SGCZ: variants seen among roughly 807,000 people sequenced by gnomAD.
SGCZ encodes the protein sarcoglycan zeta.
Under a neutral mutation model 41.3 loss-of-function variants are expected in SGCZ, and 40 were observed. That is an observed-to-expected ratio of 0.97 (90% CI 0.75 to 1.26). The LOEUF (loss-of-function observed/expected upper bound fraction) is 1.26, where lower values mean the gene tolerates loss of function less well. Among genes scored for constraint, SGCZ ranks in the 50% most tolerant of loss-of-function variants. SGCZ has a pLI of 0.00. For synonymous variants in SGCZ, 206 were observed against 137.5 expected (o/e 1.50, Z -3.49); for missense variants, 552 against 369.8 (o/e 1.49, Z -4.04).
chr8:15,210,118 A>G (rs1801191560), intron 1 of SGCZ, among the ~76,000 whole-genome samples: 1 of 152,326 alleles, frequency 6.6e-6, no homozygotes, highest in East Asian at 1.9e-4. Flanking sequence ...TTGGAATCAC[A>G]AAACAAAAGG....
chr8:14,196,517 C>G (rs1326466366), intron 4 of SGCZ, among the ~76,000 whole-genome samples: 1 of 152,106 alleles, frequency 6.6e-6, no homozygotes, highest in Non-Finnish European at 1.5e-5. Context: ...CTACATGAAA[C>G]AGCGATTTCA....
intron 4 of SGCZ, among the ~76,000 whole-genome samples, chr8:14,237,159 T>C (rs992772798): frequency 5.9e-5 from 9 of 152,134 alleles, no homozygotes; most frequent in Non-Finnish European, 1.2e-4. Context: ...ATGAAAATAT[T>C]TCTTAGAAAA....
At chr8:14,640,211 G>T (rs552717811) in intron 1 of SGCZ, among the ~76,000 whole-genome samples, 1 of 151,750 alleles carries the variant, frequency 6.6e-6, no homozygotes, top group South Asian at 2.1e-4. Context: ...CTTCCTTCTG[G>T]ATTCATTTTT....
chr8:15,073,391 T>A (rs1805422632), intron 1 of SGCZ, among the ~76,000 whole-genome samples: 1 of 152,094 alleles, frequency 6.6e-6, no homozygotes, highest in South Asian at 2.1e-4. Flanking sequence ...ATGAATCACA[T>A]CACTCACAAA....
chr8:14,920,300 CTAA>C (rs1392697826), intron 1 of SGCZ, among the ~76,000 whole-genome samples: 5 of 152,142 alleles, frequency 3.3e-5, no homozygotes, highest in African/African-American at 1.2e-4. Flanking sequence ...AAAGTGGCAG[CTAA>C]TGATTCATGG....
chr8:14,317,309 T>C (rs1801752307), intron 3 of SGCZ, among the ~76,000 whole-genome samples: 2 of 152,166 alleles, frequency 1.3e-5, no homozygotes, highest in South Asian at 4.1e-4. Context: ...ACTATGAACT[T>C]CATCTTGCAG....
intron 1 of SGCZ, among the ~76,000 whole-genome samples, chr8:14,676,346 A>ATGTG (rs33909996): frequency 2.3e-3 from 346 of 149,212 alleles, no homozygotes; most frequent in Admixed American, 3.7e-3. Context: ...AATGAAATAG[A>ATGTG]TGTGTGTGTG....
chr8:15,063,750 C>T (rs1385471427), intron 1 of SGCZ, among the ~76,000 whole-genome samples: 1 of 152,144 alleles, frequency 6.6e-6, no homozygotes, highest in Non-Finnish European at 1.5e-5. Flanking sequence ...TGAAAGACAT[C>T]CAGAACAAGA....
intron 2 of SGCZ, among the ~76,000 whole-genome samples, chr8:14,518,363 C>T (rs901994845): frequency 6.6e-6 from 1 of 152,036 alleles, no homozygotes; most frequent in Non-Finnish European, 1.5e-5. Flanking sequence ...TGTATACATA[C>T]ACTACACGTA....
At chr8:14,875,731 G>T (rs1379827610) in intron 1 of SGCZ, among the ~76,000 whole-genome samples, 1 of 152,094 alleles carries the variant, frequency 6.6e-6, no homozygotes, top group African/African-American at 2.4e-5. Context: ...TGATACGGGG[G>T]AAAGAATACA....
chr8:15,127,602 A>G (rs1807753530), intron 1 of SGCZ, among the ~76,000 whole-genome samples: 1 of 152,190 alleles, frequency 6.6e-6, no homozygotes, highest in Non-Finnish European at 1.5e-5. Context: ...TGTTTTGAAA[A>G]AGAGGACAGC....
chr8:14,806,759 C>T (rs1392100546), intron 1 of SGCZ, among the ~76,000 whole-genome samples: 2 of 152,090 alleles, frequency 1.3e-5, no homozygotes, highest in African/African-American at 2.4e-5. Flanking sequence ...GATACCAAAG[C>T]CTGGCAGAGA....
intron 1 of SGCZ, among the ~76,000 whole-genome samples, chr8:14,775,270 G>C (rs921787152): frequency 6.6e-6 from 1 of 152,002 alleles, no homozygotes; most frequent in Non-Finnish European, 1.5e-5. Context: ...GTAGAGCCCA[G>C]AACAAAAACC....
chr8:14,988,343 CT>C (rs980551841), intron 1 of SGCZ, among the ~76,000 whole-genome samples: 5 of 150,884 alleles, frequency 3.3e-5, no homozygotes, highest in African/African-American at 4.9e-5. Flanking sequence ...ACCATACTTT[CT>C]TTTTTTTTAA....
intron 2 of SGCZ, among the ~76,000 whole-genome samples, chr8:14,444,690 T>C (rs892762524): frequency 6.6e-6 from 1 of 151,036 alleles, no homozygotes; most frequent in Admixed American, 6.6e-5. Context: ...GAGGGATAGC[T>C]TTAGGAGATA....
At chr8:14,404,104 A>T (rs1351297409) in intron 2 of SGCZ, among the ~76,000 whole-genome samples, 1 of 152,148 alleles carries the variant, frequency 6.6e-6, no homozygotes, top group Non-Finnish European at 1.5e-5. Flanking sequence ...TTAGAGAAGG[A>T]GGGTGCCAGA....
At chr8:14,775,445 T>G (rs1020513666) in intron 1 of SGCZ, among the ~76,000 whole-genome samples, 11 of 144,680 alleles carry the variant, frequency 7.6e-5, no homozygotes, top group Admixed American at 3.6e-4. Flanking sequence ...GACAGTATGC[T>G]GAGTAGAATA....
intron 2 of SGCZ, among the ~76,000 whole-genome samples, chr8:14,496,798 G>C (rs1379117587): frequency 1.3e-5 from 2 of 152,122 alleles, no homozygotes; most frequent in Non-Finnish European, 2.9e-5. Flanking sequence ...TACAAAATAA[G>C]AAAGTTGTTT....
chr8:15,121,656 G>T (rs1357047865), intron 1 of SGCZ, among the ~76,000 whole-genome samples: 10 of 152,138 alleles, frequency 6.6e-5, no homozygotes, highest in Non-Finnish European at 7.4e-5. Context: ...AAGATCTCAT[G>T]CTGGAGTAAT....
Sources: allele counts gnomAD v4.1 joint callset (sites outside exome capture counted in the v4.1 genomes callset), GRCh38; gene constraint gnomAD v4.1.1; transcripts MANE v1.5; gene names NCBI Gene and HGNC (gene_info 2026-07-23, HGNC 2026-07-21).